Variants in NBPF15 observed in about 807,000 individuals in gnomAD.
The protein encoded by NBPF15 is NBPF member 15, also known as NBPF family member NBPF15.
In NBPF15, 74 loss-of-function variants were observed where a neutral mutation model predicts 62.2. That is an observed-to-expected ratio of 1.19 (90% CI 0.99 to 1.44). The LOEUF (loss-of-function observed/expected upper bound fraction) is 1.44. NBPF15 is among the 40% of genes most tolerant of loss of function. The probability of loss-of-function intolerance (pLI) is 0.00; values close to 1 mark genes in which losing one functional copy is unlikely to be tolerated. For synonymous variants in NBPF15, 244 were observed against 209.7 expected (o/e 1.16, Z -1.41); for missense variants, 790 against 550.0 (o/e 1.44, Z -4.36).
rs781957187 is a variant in NBPF15 at position 144,423,002 on chromosome 1, G to A, written c.*11C>T. The A allele has an allele frequency of 2.5e-6, 4 of 1,611,676 alleles. No individual in the cohort carries two copies. Among genetic ancestry groups the A allele is most frequent in the Non-Finnish European group, 2.5e-6 (3 of 1,179,634 alleles). On this transcript the variant is annotated 3_prime_UTR_variant, in exon 22 of 22. Coordinates refer to ENST00000581897, the MANE Select transcript of NBPF15 (RefSeq NM_001385408.1). ...TGCAGGAATGACATCTCTCGGCTTA[G>A]TAAGAGCTGCTTATTGTGGGAATAT...
chr1:144,452,357 C>A (rs1427943805), intron 4 of NBPF15, among the ~76,000 whole-genome samples: 1 of 151,896 alleles, frequency 6.6e-6, no homozygotes, highest in Non-Finnish European at 1.5e-5. Flanking sequence ...TATGTTCCCC[C>A]AAAAACCATC....
intron 14 of NBPF15, among the ~76,000 whole-genome samples, 200 bp downstream of exon 14, chr1:144,429,500 G>A (rs587694640): frequency 1.3e-5 from 2 of 149,668 alleles, no homozygotes; most frequent in East Asian, 3.9e-4. Context: ...CTGAGACTAG[G>A]AAGAGAGCAA....
At position 144,461,617 on chromosome 1, in the gene NBPF15, T is replaced by A. The variant is rs587730184; in HGVS notation, c.-1174A>T. 6.6e-6 allele frequency: 1 copy of A among 152,504 alleles called. No homozygotes were observed. The highest frequency in any genetic ancestry group is 1.5e-5 in the Non-Finnish European group (1 of 68,432). The allele number at this position is 152,504 out of a possible 1,614,324, so 9.4% of individuals were successfully genotyped here. A position where few individuals can be genotyped will look rare whatever the true frequency, so the allele number is the denominator to read the frequency against. On this transcript the variant is annotated 5_prime_UTR_variant, in exon 1 of 22. The change abolishes an upstream ATG in the 5' untranslated region. Coordinates refer to ENST00000581897, the MANE Select transcript of NBPF15 (RefSeq NM_001385408.1). ...GCTGTCTCAACCGCCGCCCAGCCCA[T>A]AGCCTGCGCCAGCTGGCTCCTCAGG...
chr1:144,423,582 C>T (rs1355504200), intron 21 of NBPF15, among the ~76,000 whole-genome samples: 126 of 151,892 alleles, frequency 8.3e-4, no homozygotes, highest in African/African-American at 2.8e-3. Context: ...ACTGTGATCA[C>T]AAAAAGAGTG....
chr1:144,426,977 T>A, intron 17 of NBPF15, 70 bp downstream of exon 17: 1 of 729,814 alleles, frequency 1.4e-6, no homozygotes, highest in South Asian at 1.4e-5. Context: ...GAACACACTC[T>A]TGTTTTCCCT....
intron 16 of NBPF15, among the ~76,000 whole-genome samples, chr1:144,427,456 T>C (rs1468724493): frequency 3.3e-5 from 5 of 149,878 alleles, no homozygotes; most frequent in Admixed American, 2.7e-4. Flanking sequence ...ACTCAGATTG[T>C]TCATGGTAGC....
In NBPF15 at chr1:144,442,979, C is replaced by T. The variant is rs1398548521; in HGVS notation, c.-190-2684G>A. 4.8e-4 allele frequency: 97 copies of T among 204,030 alleles called. 2 individuals carry two copies. Among genetic ancestry groups the T allele is most frequent in the African/African-American group, 2.1e-3 (90 of 42,234 alleles). The allele number at this position is 204,030 out of a possible 1,614,324, so 12.6% of individuals were successfully genotyped here. Reference sequence around the variant, plus strand: ...ATCAACAAGTAATGTTATGAAATGGCCTCCCACCTTCAGCGTTCCCAGTAC... The same window carrying T: ...ATCAACAAGTAATGTTATGAAATGGTCTCCCACCTTCAGCGTTCCCAGTAC... On this transcript the variant is annotated intron_variant, in intron 6 of 21. Transcript: ENST00000581897.
chr1:144,441,136 A>G (rs1682625378), intron 6 of NBPF15, among the ~76,000 whole-genome samples: 1 of 151,972 alleles, frequency 6.6e-6, no homozygotes. Context: ...ACTACTGTGC[A>G]TAAGTAACTA....
At chr1:144,442,147 A>ATAT (rs1553542823) in intron 6 of NBPF15, among the ~76,000 whole-genome samples, 2 of 7,528 alleles carry the variant, frequency 2.7e-4, no homozygotes, top group Non-Finnish European at 7.1e-4. Context: ...ATATATATAT[A>ATAT]ATATATATAC....
rs1333615829 is a variant in NBPF15 at position 144,426,856 on chromosome 1, A to C, written c.1265+191T>G. Among the ~76,000 whole-genome samples, 3 of 148,422 alleles carry C rather than the reference A, an allele frequency of 2.0e-5. No homozygotes were observed. In the East Asian group the frequency reaches 6.0e-4, roughly 30 times the overall value. On this transcript the variant is annotated intron_variant, in intron 17 of 21. Coordinates refer to ENST00000581897, the MANE Select transcript of NBPF15 (RefSeq NM_001385408.1). ...TTTGAGGTATGGTCAACCTATAGTAAGTTAGTAAATGATAAGGGGAGGAAG... is the reference window on the plus strand; with the variant it reads ...TTTGAGGTATGGTCAACCTATAGTACGTTAGTAAATGATAAGGGGAGGAAG...
At position 144,423,941 on chromosome 1, in the gene NBPF15, C is replaced by T. The variant is rs1447411692; in HGVS notation, c.1698G>A (p.Arg566=). Residue 566 remains arginine, a synonymous_variant, in exon 21 of 22, where the codon AGG becomes AGA. Coordinates refer to ENST00000581897, the MANE Select transcript of NBPF15 (RefSeq NM_001385408.1). ...IEKKGKGKKR[R]GRRSKKKRRR... ...TTCTTTTCTTCTTTGATCTTCTTCC[C>T]CTTCTTTTCTTCCCCTTCCCCTTCT... The T allele has an allele frequency of 2.2e-5, 17 of 783,778 alleles. No individual in the cohort carries two copies. The highest frequency in any genetic ancestry group is 5.1e-5 in the African/African-American group (3 of 59,270). 48.6% of individuals were successfully genotyped at this position (783,778 alleles called of 1,614,324 possible).
At chr1:144,438,871 C>T (rs1488382590) in intron 8 of NBPF15, among the ~76,000 whole-genome samples, 1 of 151,998 alleles carries the variant, frequency 6.6e-6, no homozygotes, top group Admixed American at 6.6e-5. Flanking sequence ...TATCTCCACA[C>T]ATTCTCGGAT....
rs782692895 is a variant in NBPF15 at position 144,427,981 on chromosome 1, C to G, written c.1050G>C (p.Arg350Ser). 7.9e-6 allele frequency: 6 copies of G among 758,996 alleles called. No individual in the cohort carries two copies. Among genetic ancestry groups the G allele is most frequent in the Non-Finnish European group, 1.2e-5 (5 of 409,670 alleles). 47.0% of individuals were successfully genotyped at this position (758,996 alleles called of 1,614,324 possible). Residue 350 changes from arginine (R) to serine (S), a missense_variant, in exon 16 of 22, where the codon AGG becomes AGC. Physicochemically the swap from Arg to Ser is moderately radical, Grantham distance 110. Coordinates refer to ENST00000581897, the MANE Select transcript of NBPF15 (RefSeq NM_001385408.1). Reference sequence around the variant, plus strand: ...CAGGCTCTTTCTCATCCAGCAGCTCCCTGCTGAGCCTGGAAAAGTGGGAAA... The same window carrying G: ...CAGGCTCTTTCTCATCCAGCAGCTCGCTGCTGAGCCTGGAAAAGTGGGAAA... The part of the protein sequence containing the change: ...DQEATGPRLS[R>S]ELLDEKEPEV...
At chr1:144,461,131 C>A (rs587645738) in intron 1 of NBPF15, among the ~76,000 whole-genome samples, 170 bp from the exon 2 acceptor site, 107 of 151,824 alleles carry the variant, frequency 7.0e-4, no homozygotes, top group African/African-American at 2.2e-3. Context: ...GACGTGCCCC[C>A]GAAGCTGCTC....
In NBPF15 at chr1:144,459,429, T is replaced by C. The variant is rs1650757955; in HGVS notation, c.-764A>G. 2 of 151,602 alleles carry C rather than the reference T, an allele frequency of 1.3e-5. No homozygotes were observed. The highest frequency in any genetic ancestry group is 4.9e-5 in the African/African-American group (2 of 41,128). 9.4% of individuals were successfully genotyped at this position (151,602 alleles called of 1,614,324 possible). Reference sequence around the variant, plus strand: ...TCACCTGAGCCTTGGGAGGTCAAGGTTGCGGTCAGCTGTGATTGTGCCACT... The same window carrying C: ...TCACCTGAGCCTTGGGAGGTCAAGGCTGCGGTCAGCTGTGATTGTGCCACT... On this transcript the variant is annotated 5_prime_UTR_variant, in exon 3 of 22. Transcript: ENST00000581897.
At chr1:144,424,429 T>A (rs1668098595) in intron 20 of NBPF15, among the ~76,000 whole-genome samples, 1 of 151,942 alleles carries the variant, frequency 6.6e-6, no homozygotes, top group Non-Finnish European at 1.5e-5. Context: ...ATTTGTCACA[T>A]CTGCCCAGGT....
In NBPF15 at chr1:144,423,148, C is replaced by A; in HGVS notation, c.1878G>T (p.Gln626His). Residue 626 changes from glutamine to histidine, a missense_variant, in exon 22 of 22, where the codon CAG (glutamine) becomes CAT (histidine). By Grantham distance (24) the Gln-to-His change is conservative (BLOSUM62 0). Transcript: ENST00000581897. ...SMYFEQPDSFQHYRSVFYSFE... is the reference protein window; with the variant it reads ...SMYFEQPDSFHHYRSVFYSFE... ...ATGAGTAAAACACACTTCTGTAGTG[C>A]TGGAATGAGTCAGGTTGTTCAAAGT... 1.9e-6 allele frequency: 3 copies of A among 1,611,572 alleles called. No homozygotes were observed. The highest frequency in any genetic ancestry group is 2.5e-6 in the Non-Finnish European group (3 of 1,179,602).
At chr1:144,428,118 C>A (rs587773476) in intron 15 of NBPF15, 128 bp from the exon 16 acceptor site, 12,740 of 674,954 alleles carry the variant, frequency 0.019, 471 homozygotes, top group East Asian at 0.13. Flanking sequence ...AATGAGGTAA[C>A]AAATTATTGC....
intron 17 of NBPF15, 53 bp from the exon 18 acceptor site, chr1:144,426,503 C>A (rs1206574399): frequency 2.5e-6 from 2 of 788,548 alleles, no homozygotes; most frequent in Non-Finnish European, 4.7e-6. Context: ...AGAAACCACA[C>A]AGCCCCAGCT....
Sources: allele counts gnomAD v4.1 joint callset (sites outside exome capture counted in the v4.1 genomes callset), GRCh38; gene constraint gnomAD v4.1.1; transcripts MANE v1.5; gene names NCBI Gene and HGNC (gene_info 2026-07-23, HGNC 2026-07-21).